Variants in AXDND1 observed in about 807,000 individuals in gnomAD.
AXDND1 encodes axonemal dynein light chain domain containing 1.
Under a neutral mutation model 137.5 loss-of-function variants are expected in AXDND1, and 110 were observed. That is an observed-to-expected ratio of 0.80 (90% confidence interval 0.69 to 0.94). The LOEUF is 0.94. Among genes scored for constraint, AXDND1 ranks in the 40% least tolerant of loss-of-function variants. The probability of loss-of-function intolerance (pLI) is 0.00; values close to 1 mark genes in which losing one functional copy is unlikely to be tolerated. For synonymous variants in AXDND1, 414 were observed against 399.7 expected (o/e 1.04, Z -0.43); for missense variants, 1,191 against 1,169.8 (o/e 1.02, Z -0.26).
chr1:179,370,658 T>C (rs1293955457), intron 4 of AXDND1, among the ~76,000 whole-genome samples: 1 of 152,236 alleles, frequency 6.6e-6, no homozygotes, highest in Non-Finnish European at 1.5e-5. Context: ...CCTGTGAAGA[T>C]TGAGACCTGC....
chr1:179,534,826 A>G lies in AXDND1; in HGVS notation c.2895A>G (p.Glu965=), dbSNP rs767303299. 2 of 1,609,830 alleles carry G rather than the reference A, an allele frequency of 1.2e-6. No homozygotes were observed. Among genetic ancestry groups the G allele is most frequent in the Non-Finnish European group, 1.7e-6 (2 of 1,178,980 alleles). ...TTATAAAAAATAAAGATCTAGAGGA[A>G]TTAGTCATGACATCAAGAAAGGAGT... ...HTLIKNKDLE[E]LVMTSRKESK... Residue 965 remains glutamate, a synonymous_variant, in exon 25 of 26, where the codon GAA becomes GAG. Transcript: ENST00000367618.
chr1:179,499,359 A>ATTAT (rs60036784), intron 20 of AXDND1, among the ~76,000 whole-genome samples: 133,289 of 151,808 alleles, frequency 0.88, 58,719 homozygotes, highest in East Asian at 0.96. Flanking sequence ...AAGACCACAT[A>ATTAT]TTTATTCACA....
intron 15 of AXDND1, among the ~76,000 whole-genome samples, chr1:179,436,421 G>A (rs4652386): frequency 0.87 from 132,903 of 152,134 alleles, 58,156 homozygotes; most frequent in East Asian, 0.9. Context: ...ATTTACAACA[G>A]CAAAGACATG....
chr1:179,493,080 A>G (rs963505568), intron 20 of AXDND1, 129 bp downstream of exon 20: 6 of 588,688 alleles, frequency 1.0e-5, no homozygotes, highest in African/African-American at 9.5e-5. Context: ...TAAAATATGC[A>G]TATACTCATA....
intron 9 of AXDND1, among the ~76,000 whole-genome samples, chr1:179,392,864 G>T (rs1046882254): frequency 1.3e-5 from 2 of 150,666 alleles, no homozygotes; most frequent in African/African-American, 2.4e-5. Context: ...GTAGATTTTG[G>T]GTACTAGTCC....
chr1:179,400,600 T>TAA lies in AXDND1; in HGVS notation c.1109+5410_1109+5411dup, dbSNP rs71111986. On this transcript the variant is annotated intron_variant, in intron 11 of 25. Coordinates refer to ENST00000367618, the MANE Select transcript of AXDND1 (RefSeq NM_144696.6). ...TAAAATTTAAAAATTAGGGAAGAAA[T>TAA]AAAAAAAAAAAAAGAGAAGATGGCC... 3.5e-4 allele frequency among the ~76,000 whole-genome samples: 48 copies of TAA among 138,288 alleles called. 1 individual carries two copies. Among genetic ancestry groups the TAA allele is most frequent in the East Asian group, 4.3e-4 (2 of 4,604 alleles). The allele number at this position is 138,288 out of a possible 152,430, so 90.7% of individuals were successfully genotyped here.
chr1:179,516,044 G>A (rs1669504663), intron 21 of AXDND1, among the ~76,000 whole-genome samples: 1 of 152,020 alleles, frequency 6.6e-6, no homozygotes, highest in South Asian at 2.1e-4. Flanking sequence ...TGTGTGGTGG[G>A]CTATACCCTC....
intron 14 of AXDND1, 112 bp downstream of exon 14, chr1:179,430,718 T>G: frequency 1.6e-6 from 2 of 1,225,120 alleles, no homozygotes; most frequent in South Asian, 3.1e-5. Flanking sequence ...AACATTGATT[T>G]TGGGGAGCAG....
At chr1:179,390,627 T>C (rs1650008422) in intron 9 of AXDND1, among the ~76,000 whole-genome samples, 1 of 152,156 alleles carries the variant, frequency 6.6e-6, no homozygotes, top group African/African-American at 2.4e-5. Context: ...GAAGAAGGAA[T>C]AAAACAAGTT....
At chr1:179,429,127 A>T (rs2125304509) in intron 12 of AXDND1, among the ~76,000 whole-genome samples, 1 of 152,144 alleles carries the variant, frequency 6.6e-6, no homozygotes, top group East Asian at 1.9e-4. Flanking sequence ...CAGTGAGCCG[A>T]GATTGCGCCA....
At chr1:179,526,257 T>C (rs538134183) in intron 22 of AXDND1, among the ~76,000 whole-genome samples, 186 of 151,594 alleles carry the variant, frequency 1.2e-3, no homozygotes, top group African/African-American at 4.5e-3. Context: ...CCTGGGACAT[T>C]TGTAATAATA....
At chr1:179,371,938 T>A (rs10798671) in intron 4 of AXDND1, among the ~76,000 whole-genome samples, 115,668 of 152,100 alleles carry the variant, frequency 0.76, 44,216 homozygotes, top group Admixed American at 0.81. Context: ...GAGCATAGAA[T>A]TGGATCTTCC....
intron 18 of AXDND1, among the ~76,000 whole-genome samples, chr1:179,487,443 A>G (rs1312128169): frequency 1.3e-5 from 2 of 148,850 alleles, no homozygotes; most frequent in Non-Finnish European, 3.0e-5. Flanking sequence ...AGCCAAATGT[A>G]TGAAATTAAC....
At chr1:179,517,837 G>A (rs1312865658) in intron 21 of AXDND1, among the ~76,000 whole-genome samples, 2 of 152,292 alleles carry the variant, frequency 1.3e-5, no homozygotes, top group Admixed American at 6.5e-5. Flanking sequence ...CACTGCCTTC[G>A]GAGGGTCTTT....
chr1:179,443,250 C>T (rs955857081), intron 15 of AXDND1, among the ~76,000 whole-genome samples: 12 of 152,154 alleles, frequency 7.9e-5, no homozygotes, highest in African/African-American at 1.7e-4. Flanking sequence ...TCCCGTCCCA[C>T]GGGGCTTCGG....
Position 179,415,694 on chromosome 1 carries a change from C to CTCTCCAGGGTACATCTTTTTTTTTT in AXDND1, c.1230+4432_1230+4456dup, listed in dbSNP as rs1654588763. ...GGTAATCATTAATGAACTTTCTTTT[C>CTCTCCAGGGTACATCTTTTTTTTTT]TCTCCAGGGTACATCTTTTTTTTTT... is the stretch of plus-strand genomic sequence containing the variant. On this transcript the variant is annotated intron_variant, in intron 12 of 25. Coordinates refer to ENST00000367618, the MANE Select transcript of AXDND1 (RefSeq NM_144696.6). 1.5e-4 allele frequency among the ~76,000 whole-genome samples: 23 copies of CTCTCCAGGGTACATCTTTTTTTTTT among 152,064 alleles called. No individual in the cohort carries two copies. The South Asian group carries it at 4.2e-3, about 28-fold the overall frequency.
intron 15 of AXDND1, among the ~76,000 whole-genome samples, chr1:179,443,992 C>T (rs1389840348): frequency 6.6e-6 from 1 of 151,482 alleles, no homozygotes; most frequent in Non-Finnish European, 1.5e-5. Context: ...ATAACTTGAA[C>T]AGTATATTCT....
chr1:179,551,011 T>C (rs1402804187), intron 25 of AXDND1: 4 of 801,020 alleles, frequency 5.0e-6, no homozygotes, highest in Non-Finnish European at 8.1e-6. Context: ...ATTACATCAT[T>C]TCACCGTCTT....
intron 1 of AXDND1, 114 bp from the exon 2 acceptor site, chr1:179,366,290 C>G: frequency 2.4e-6 from 1 of 415,858 alleles, no homozygotes; most frequent in Non-Finnish European, 4.4e-6. Flanking sequence ...ACATAGAGGT[C>G]GCCCCGAAGA....
Sources: allele counts gnomAD v4.1 joint callset (sites outside exome capture counted in the v4.1 genomes callset), GRCh38; gene constraint gnomAD v4.1.1; transcripts MANE v1.5; gene names NCBI Gene and HGNC (gene_info 2026-07-23, HGNC 2026-07-21).